The following SNX10 variants were observed in gnomAD, a reference collection of about 807,000 sequenced individuals.
The protein encoded by SNX10 is sorting nexin 10.
In SNX10, 25 loss-of-function variants were observed where a neutral mutation model predicts 28.5. The observed-to-expected ratio is 0.88, with a 90% CI of 0.64 to 1.22. The LOEUF is 1.22. SNX10 is among the 50% of genes most tolerant of loss of function. The probability of loss-of-function intolerance (pLI) is 0.00; values close to 1 mark genes in which losing one functional copy is unlikely to be tolerated. For synonymous variants in SNX10, 62 were observed against 81.4 expected (o/e 0.76, Z 1.28); for missense variants, 223 against 242.6 (o/e 0.92, Z 0.54).
intron 2 of SNX10, among the ~76,000 whole-genome samples, chr7:26,355,891 G>T (rs576669726): frequency 2.0e-5 from 3 of 152,310 alleles, no homozygotes; most frequent in African/African-American, 7.2e-5. Context: ...AGCTTTAGAA[G>T]CCTCATTTAA....
intron 2 of SNX10, chr7:26,356,900 A>G: frequency 4.7e-6 from 1 of 212,366 alleles, no homozygotes; most frequent in Non-Finnish European, 9.8e-6. Flanking sequence ...CAGCTGCTAA[A>G]TAACTTATCA....
chr7:26,338,249 C>G (rs1788021262), intron 1 of SNX10, among the ~76,000 whole-genome samples: 1 of 151,350 alleles, frequency 6.6e-6, no homozygotes, highest in Non-Finnish European at 1.5e-5. Flanking sequence ...CCCGAGTGGC[C>G]TGGATTTCAG....
At chr7:26,360,660 C>A in intron 2 of SNX10, 6 of 283,804 alleles carry the variant, frequency 2.1e-5, no homozygotes, top group South Asian at 1.3e-4. Context: ...AAACCTGAAC[C>A]AATTATTTAA....
At chr7:26,328,370 G>A (rs2128003400) in intron 1 of SNX10, among the ~76,000 whole-genome samples, 2 of 152,308 alleles carry the variant, frequency 1.3e-5, no homozygotes, top group Admixed American at 6.5e-5. Flanking sequence ...CAGGGAGAAG[G>A]TATCATGTGT....
chr7:26,346,625 G>T (rs374745889), intron 2 of SNX10, among the ~76,000 whole-genome samples, 159 bp downstream of exon 2: 24 of 152,102 alleles, frequency 1.6e-4, no homozygotes, highest in African/African-American at 5.8e-4. Flanking sequence ...CCCACCATTG[G>T]TGCCTGCATA....
At chr7:26,336,279 A>G (rs558352770) in intron 1 of SNX10, among the ~76,000 whole-genome samples, 1 of 152,296 alleles carries the variant, frequency 6.6e-6, no homozygotes, top group South Asian at 2.1e-4. Context: ...GAAAAAAAGG[A>G]AGTAAAAATC....
intron 1 of SNX10, among the ~76,000 whole-genome samples, chr7:26,334,324 G>A (rs1275799137): frequency 6.6e-6 from 1 of 152,216 alleles, no homozygotes; most frequent in Non-Finnish European, 1.5e-5. Context: ...GAGAGAGAAT[G>A]TCACAGTACG....
At chr7:26,297,729 ATTT>A (rs1457195647) in intron 1 of SNX10, among the ~76,000 whole-genome samples, 2 of 152,048 alleles carry the variant, frequency 1.3e-5, no homozygotes, top group African/African-American at 4.8e-5. Flanking sequence ...TATAAGTAAT[ATTT>A]TTAGAAATAC....
intron 1 of SNX10, among the ~76,000 whole-genome samples, chr7:26,301,746 C>T (rs189214479): frequency 7.2e-5 from 11 of 152,218 alleles, no homozygotes; most frequent in South Asian, 6.2e-4. Context: ...CAGACATTTT[C>T]GACAATTCAG....
chr7:26,331,297 G>A (rs1364544272), intron 1 of SNX10, among the ~76,000 whole-genome samples: 1 of 152,144 alleles, frequency 6.6e-6, no homozygotes, highest in African/African-American at 2.4e-5. Flanking sequence ...TTTAAAATGT[G>A]CATACAGGCC....
chr7:26,329,531 G>T (rs1306320113), intron 1 of SNX10, among the ~76,000 whole-genome samples: 2 of 152,162 alleles, frequency 1.3e-5, no homozygotes, highest in African/African-American at 4.8e-5. Flanking sequence ...TTTACTTTGT[G>T]TTCTCTCACT....
chr7:26,351,659 G>T (rs2699804), intron 2 of SNX10, among the ~76,000 whole-genome samples: 13,775 of 44,224 alleles, frequency 0.31, 1,759 homozygotes, highest in East Asian at 0.55. Context: ...TTTTTTTTTT[G>T]TTTTTTTTTT....
In SNX10 at chr7:26,364,656, T is replaced by C; in HGVS notation, c.212+21T>C. 6.5e-7 allele frequency: 1 copy of C among 1,527,532 alleles called. No homozygotes were observed. Among genetic ancestry groups the C allele is most frequent in the Non-Finnish European group, 9.0e-7 (1 of 1,107,814 alleles). The allele number at this position is 1,527,532 out of a possible 1,614,324, so 94.6% of individuals were successfully genotyped here. A position where few individuals can be genotyped will look rare whatever the true frequency, so the allele number is the denominator to read the frequency against. On this transcript the variant is annotated intron_variant, in intron 4 of 6. Coordinates refer to ENST00000338523, the MANE Select transcript of SNX10 (RefSeq NM_013322.3). This position sits in a 1 kb window ranked among gnomAD's most constrained non-coding sequence, Gnocchi z 4.9. ...CTGGTGTAAGTGATTTAGAGTATAC[T>C]GTGGAGACTTTGTCATTATATTCAG...
Position 26,373,924 on chromosome 7 carries a change from T to G in SNX10, c.*1352T>G, listed in dbSNP as rs1584188454. On this transcript the variant is annotated 3_prime_UTR_variant, in exon 7 of 7. Coordinates refer to ENST00000338523, the MANE Select transcript of SNX10 (RefSeq NM_013322.3). The surrounding 1 kb of genome is among the most constrained non-coding windows in gnomAD (Gnocchi z 4.2). ...AAGCTAAGAAAACTGAGAACTAACA[T>G]TAAAAAAATTAAATTTAGAATAAGA... 2 of 152,008 alleles carry G rather than the reference T, an allele frequency of 1.3e-5. No homozygotes were observed. Among genetic ancestry groups the G allele is most frequent in the East Asian group, 3.8e-4 (2 of 5,208 alleles). 9.4% of individuals were successfully genotyped at this position (152,008 alleles called of 1,614,324 possible).
intron 1 of SNX10, among the ~76,000 whole-genome samples, chr7:26,299,910 C>A (rs1013123387): frequency 1.3e-5 from 2 of 151,524 alleles, no homozygotes; most frequent in Non-Finnish European, 2.9e-5. Context: ...TTCAAAAAAA[C>A]TTTTAAAAAG....
chr7:26,373,700 G>A lies in SNX10; in HGVS notation c.*1128G>A, dbSNP rs1309853560. ...ACCCAAGTTTCATCCATGTTGAATG[G>A]TACAAAATATTTCTGTGAAACTAAC... On this transcript the variant is annotated 3_prime_UTR_variant, in exon 7 of 7. Transcript: ENST00000338523. This position sits in a 1 kb window ranked among gnomAD's most constrained non-coding sequence, Gnocchi z 4.2. 6.6e-6 allele frequency: 1 copy of A among 151,820 alleles called. No homozygotes were observed. The highest frequency in any genetic ancestry group is 1.5e-5 in the Non-Finnish European group (1 of 67,860). 9.4% of individuals were successfully genotyped at this position (151,820 alleles called of 1,614,324 possible).
At chr7:26,330,364 T>C (rs1023013363) in intron 1 of SNX10, among the ~76,000 whole-genome samples, 4 of 151,976 alleles carry the variant, frequency 2.6e-5, no homozygotes, top group Non-Finnish European at 4.4e-5. Flanking sequence ...TAGGTTATTG[T>C]CTGGAGATAA....
intron 1 of SNX10, among the ~76,000 whole-genome samples, chr7:26,309,124 C>T (rs1389643824): frequency 2.0e-5 from 3 of 152,260 alleles, no homozygotes; most frequent in African/African-American, 7.2e-5. Context: ...CTCCCAAACT[C>T]ATTACTGCCT....
intron 4 of SNX10, 43 bp from the exon 5 acceptor site, chr7:26,365,004 T>G (rs780302560): frequency 8.1e-7 from 1 of 1,234,038 alleles, no homozygotes; most frequent in Non-Finnish European, 1.2e-6. Flanking sequence ...CAGAAGCACC[T>G]TGAGTTAATC....
Sources: gnomAD v4.1 joint callset for allele counts (sites outside exome capture counted in the v4.1 genomes callset) on GRCh38, gnomAD v4.1.1 for gene constraint, Gnocchi (gnomAD v3.1) non-coding constraint, MANE v1.5 for transcripts, NCBI Gene and HGNC (gene_info 2026-07-23, HGNC 2026-07-21) for gene names.